NTM: variants seen among roughly 807,000 people sequenced by gnomAD.
NTM encodes neurotrimin.
NTM carries 13 observed loss-of-function variants against 42.1 expected under a neutral mutation model. The observed-to-expected ratio is 0.31, with a 90% CI of 0.20 to 0.49. NTM has a LOEUF of 0.49. Ranked by LOEUF, NTM falls within the 20% of genes least tolerant of loss-of-function variation. The pLI is 0.99. For synonymous variants in NTM, 187 were observed against 179.2 expected (o/e 1.04, Z -0.35); for missense variants, 373 against 452.8 (o/e 0.82, Z 1.60).
At chr11:131,848,392 C>T (rs993721735) in intron 1 of NTM, among the ~76,000 whole-genome samples, 12 of 152,162 alleles carry the variant, frequency 7.9e-5, no homozygotes, top group African/African-American at 2.9e-4. Flanking sequence ...AAACTGCAGC[C>T]ATTTGGAATG....
At chr11:132,295,607 G>T (rs1175648570) in intron 4 of NTM, among the ~76,000 whole-genome samples, 1 of 152,230 alleles carries the variant, frequency 6.6e-6, no homozygotes, top group Non-Finnish European at 1.5e-5. Context: ...AGGCTGCATA[G>T]ACATTTGAAG....
chr11:131,696,785 G>GCACACACACACACACACA (rs34907087), intron 1 of NTM, among the ~76,000 whole-genome samples: 4 of 147,752 alleles, frequency 2.7e-5, no homozygotes, highest in African/African-American at 9.9e-5. Flanking sequence ...ACCCACGCAT[G>GCACACACACACACACACA]CACACACACA....
chr11:131,393,533 C>T (rs573119627), intron 1 of NTM, among the ~76,000 whole-genome samples: 1 of 152,196 alleles, frequency 6.6e-6, no homozygotes, highest in Non-Finnish European at 1.5e-5. Context: ...GCAGCAGCAA[C>T]CGCCCATCCT....
chr11:131,836,433 G>A (rs1046738964), intron 1 of NTM, among the ~76,000 whole-genome samples: 3 of 152,170 alleles, frequency 2.0e-5, no homozygotes, highest in Non-Finnish European at 4.4e-5. Context: ...ATATGTAATT[G>A]TGTAGCACAG....
At chr11:132,037,430 A>G (rs531800535) in intron 2 of NTM, among the ~76,000 whole-genome samples, 81 of 152,298 alleles carry the variant, frequency 5.3e-4, no homozygotes, top group African/African-American at 1.9e-3. Flanking sequence ...GTATTCTTTT[A>G]TAGCAACACT....
intron 1 of NTM, among the ~76,000 whole-genome samples, chr11:131,826,701 A>G (rs1436137645): frequency 1.3e-5 from 2 of 152,092 alleles, no homozygotes; most frequent in Non-Finnish European, 2.9e-5. Flanking sequence ...GACAGAGATG[A>G]GAAGGGACAA....
chr11:132,126,513 G>A (rs57292463), intron 2 of NTM, among the ~76,000 whole-genome samples: 1 of 152,090 alleles, frequency 6.6e-6, no homozygotes, highest in African/African-American at 2.4e-5. Context: ...GGCAGTGTGC[G>A]GGGACTTCGC....
chr11:131,985,436 C>A (rs530813983), intron 2 of NTM, among the ~76,000 whole-genome samples: 3 of 152,256 alleles, frequency 2.0e-5, no homozygotes, highest in African/African-American at 7.2e-5. Flanking sequence ...AACAAATAAA[C>A]CTGCAAGTCT....
In NTM at chr11:132,146,238, T is replaced by C. The variant is rs2070383273; in HGVS notation, c.168-44T>C. On this transcript the variant is annotated intron_variant, in intron 2 of 8. Transcript: ENST00000683400. This position sits in a 1 kb window ranked among gnomAD's most constrained non-coding sequence, Gnocchi z 4.5. ...GAGGACCTCCCTCTGATGGCTGCTG[T>C]CGTCTCTCAGTCCCTTGACGTACCT... 6.2e-7 allele frequency: 1 copy of C among 1,605,928 alleles called. No homozygotes were observed. Among genetic ancestry groups the C allele is most frequent in the African/African-American group, 1.3e-5 (1 of 74,802 alleles).
At chr11:131,719,675 G>A (rs1247575062) in intron 1 of NTM, among the ~76,000 whole-genome samples, 1 of 152,176 alleles carries the variant, frequency 6.6e-6, no homozygotes, top group Non-Finnish European at 1.5e-5. Context: ...TATTTGCTAA[G>A]TGTGGAGGCA....
At chr11:132,054,017 A>G in intron 2 of NTM, among the ~76,000 whole-genome samples, 1 of 152,186 alleles carries the variant, frequency 6.6e-6, no homozygotes. Flanking sequence ...GGAGTTCAAG[A>G]CCAGCCTGAT....
chr11:131,658,496 G>C (rs991913611), intron 1 of NTM, among the ~76,000 whole-genome samples: 8 of 152,156 alleles, frequency 5.3e-5, no homozygotes, highest in African/African-American at 1.9e-4. Flanking sequence ...CTATGCTGAT[G>C]CCCGTTTGTC....
At chr11:132,263,992 T>C (rs2093026470) in intron 4 of NTM, among the ~76,000 whole-genome samples, 1 of 152,234 alleles carries the variant, frequency 6.6e-6, no homozygotes, top group African/African-American at 2.4e-5. Flanking sequence ...TTCACCAGAA[T>C]TGCCTTTAGT....
intron 2 of NTM, among the ~76,000 whole-genome samples, chr11:132,107,581 G>T (rs1371797623): frequency 6.6e-6 from 1 of 151,376 alleles, no homozygotes; most frequent in African/African-American, 2.4e-5. Flanking sequence ...TGTTACCCAG[G>T]CTGGTCTCAA....
At chr11:131,722,628 A>G (rs2078504080) in intron 1 of NTM, among the ~76,000 whole-genome samples, 1 of 152,170 alleles carries the variant, frequency 6.6e-6, no homozygotes, top group African/African-American at 2.4e-5. Context: ...GATGGAGAGG[A>G]CCACAGTGAC....
At chr11:131,687,072 C>T (rs1432414807) in intron 1 of NTM, among the ~76,000 whole-genome samples, 1 of 152,184 alleles carries the variant, frequency 6.6e-6, no homozygotes, top group Non-Finnish European at 1.5e-5. Flanking sequence ...AGCTGGGAAA[C>T]ACTCACCTCA....
chr11:131,587,419 G>T (rs1168923719), intron 1 of NTM, among the ~76,000 whole-genome samples: 6 of 150,286 alleles, frequency 4.0e-5, no homozygotes, highest in Admixed American at 2.7e-4. Flanking sequence ...CTGCACTCTA[G>T]CCTGGGAGAC....
intron 2 of NTM, among the ~76,000 whole-genome samples, chr11:132,108,671 C>T (rs1201571217): frequency 6.6e-6 from 1 of 151,934 alleles, no homozygotes; most frequent in Non-Finnish European, 1.5e-5. Flanking sequence ...CCCCGAAAAA[C>T]CTATTGAAAT....
chr11:131,554,748 A>G (rs1222988567), intron 1 of NTM, among the ~76,000 whole-genome samples: 1 of 152,110 alleles, frequency 6.6e-6, no homozygotes, highest in African/African-American at 2.4e-5. Flanking sequence ...GGTTGCAACA[A>G]TGTTTTTTGA....
Sources: allele counts gnomAD v4.1 joint callset (sites outside exome capture counted in the v4.1 genomes callset), GRCh38; gene constraint gnomAD v4.1.1; non-coding constraint Gnocchi (gnomAD v3.1); transcripts MANE v1.5; gene names NCBI Gene and HGNC (gene_info 2026-07-23, HGNC 2026-07-21).